Variants in DPYD observed in about 807,000 individuals in gnomAD.
DPYD encodes the protein dihydropyrimidine dehydrogenase [NADP(+)].
DPYD carries 109 observed loss-of-function variants against 116.2 expected under a neutral mutation model. That is an observed-to-expected ratio of 0.94 (90% confidence interval 0.80 to 1.10). The LOEUF is 1.10. DPYD is among the 50% of genes least tolerant of loss of function. The probability of loss-of-function intolerance (pLI) is 0.00; values close to 1 mark genes in which losing one functional copy is unlikely to be tolerated. For missense variants in DPYD, 1,302 were observed against 1,254.5 expected (o/e 1.04, Z -0.57); for synonymous variants, 440 against 432.0 (o/e 1.02, Z -0.23).
chr1:97,427,756 T>C (rs914535857), intron 14 of DPYD, among the ~76,000 whole-genome samples: 2 of 151,358 alleles, frequency 1.3e-5, no homozygotes, highest in Non-Finnish European at 2.9e-5. Context: ...TTTCCAGAAA[T>C]AGATATTAAT....
chr1:97,207,333 T>C (rs1659707927), intron 19 of DPYD, among the ~76,000 whole-genome samples: 1 of 152,176 alleles, frequency 6.6e-6, no homozygotes, highest in Admixed American at 6.6e-5. Context: ...TACATTAATA[T>C]CTTTGCATTA....
chr1:97,195,778 T>C (rs1288726318), intron 19 of DPYD, among the ~76,000 whole-genome samples: 2 of 146,756 alleles, frequency 1.4e-5, no homozygotes, highest in African/African-American at 5.0e-5. Flanking sequence ...ATGCTAGCAC[T>C]TAAAAGGAAG....
At chr1:97,228,823 T>C (rs1187770662) in intron 19 of DPYD, among the ~76,000 whole-genome samples, 2 of 152,060 alleles carry the variant, frequency 1.3e-5, no homozygotes, top group African/African-American at 4.8e-5. Flanking sequence ...GAAAGGATGA[T>C]ATGAGAGAAA....
chr1:97,632,072 C>A (rs1312245634), intron 8 of DPYD, among the ~76,000 whole-genome samples: 1 of 152,018 alleles, frequency 6.6e-6, no homozygotes, highest in African/African-American at 2.4e-5. Flanking sequence ...ATAACAGGGA[C>A]TGAAATGAAA....
At chr1:97,386,692 GA>G (rs1380549413) in intron 14 of DPYD, among the ~76,000 whole-genome samples, 5 of 152,078 alleles carry the variant, frequency 3.3e-5, no homozygotes, top group African/African-American at 1.2e-4. Flanking sequence ...TTAAAAATGT[GA>G]AATGGTCTAA....
intron 5 of DPYD, among the ~76,000 whole-genome samples, chr1:97,708,079 AC>A (rs1335626441): frequency 6.6e-6 from 1 of 151,728 alleles, no homozygotes; most frequent in Non-Finnish European, 1.5e-5. Context: ...ATTCAAGCAA[AC>A]CTCCCTCAGC....
chr1:97,579,664 A>C (rs745589094), intron 10 of DPYD, among the ~76,000 whole-genome samples: 7 of 152,214 alleles, frequency 4.6e-5, no homozygotes, highest in Non-Finnish European at 1.0e-4. Context: ...AGTAACTCTG[A>C]ATCTGGATAT....
intron 14 of DPYD, among the ~76,000 whole-genome samples, chr1:97,416,461 G>A: frequency 6.6e-6 from 1 of 152,280 alleles, no homozygotes; most frequent in Non-Finnish European, 1.5e-5. Flanking sequence ...GATATCAAAT[G>A]TTTGGACTTC....
intron 16 of DPYD, among the ~76,000 whole-genome samples, chr1:97,361,004 A>G (rs2101419585): frequency 6.6e-6 from 1 of 152,290 alleles, no homozygotes. Flanking sequence ...AAAAAAATCA[A>G]TGAATCCAGG....
chr1:97,296,472 T>G (rs925905164), intron 18 of DPYD, among the ~76,000 whole-genome samples: 2 of 152,160 alleles, frequency 1.3e-5, no homozygotes, highest in Non-Finnish European at 2.9e-5. Flanking sequence ...AAGAATAATA[T>G]GTCTCGATAG....
chr1:97,560,392 ACACT>A (rs758712472), intron 11 of DPYD, among the ~76,000 whole-genome samples: 1 of 152,146 alleles, frequency 6.6e-6, no homozygotes, highest in Non-Finnish European at 1.5e-5. Context: ...TAAAAAGGTG[ACACT>A]TGCAGTTAAA....
chr1:97,301,164 C>G, intron 18 of DPYD, among the ~76,000 whole-genome samples: 1 of 152,000 alleles, frequency 6.6e-6, no homozygotes, highest in Non-Finnish European at 1.5e-5. Context: ...TTACTGGATT[C>G]TGTAATAACC....
rs931527310 is a variant in DPYD, at chr1:97,847,492, C to T, written c.151-19296G>A. Among the ~76,000 whole-genome samples the T allele has an allele frequency of 4.1e-4, 62 of 152,068 alleles. 2 individuals are homozygous for T. The highest frequency in any genetic ancestry group is 5.9e-5 in the Non-Finnish European group (4 of 67,980). Reference sequence around the variant, plus strand: ...AACACATTTCAAACACAGGCATATTCTAACAAAATAACAGAAGGTATTGTC... The same window carrying T: ...AACACATTTCAAACACAGGCATATTTTAACAAAATAACAGAAGGTATTGTC... On this transcript the variant is annotated intron_variant, in intron 2 of 22. Coordinates refer to ENST00000370192, the MANE Select transcript of DPYD (RefSeq NM_000110.4).
At chr1:97,104,729 C>T (rs913746496) in intron 20 of DPYD, among the ~76,000 whole-genome samples, 13 of 151,988 alleles carry the variant, frequency 8.6e-5, no homozygotes, top group Admixed American at 1.3e-4. Flanking sequence ...GAAAAGGCAC[C>T]GGGGAGCCAA....
chr1:97,237,241 CAAAAAAAAAAA>C (rs58926889), intron 18 of DPYD, among the ~76,000 whole-genome samples: 9 of 57,700 alleles, frequency 1.6e-4, no homozygotes, highest in African/African-American at 3.4e-4. Context: ...GATTCTGTCT[CAAAAAAAAAAA>C]AAAAAAAAAA....
At chr1:97,909,313 C>T (rs552341006) in intron 1 of DPYD, among the ~76,000 whole-genome samples, 3 of 152,116 alleles carry the variant, frequency 2.0e-5, no homozygotes, top group Middle Eastern at 3.4e-3. Context: ...AATCCTATTC[C>T]CTCTCACCAA....
intron 15 of DPYD, among the ~76,000 whole-genome samples, chr1:97,374,636 G>A (rs1008495545): frequency 4.1e-4 from 60 of 146,522 alleles, no homozygotes; most frequent in Middle Eastern, 3.6e-3. Context: ...GGAGAATGGC[G>A]TGAACCCAGG....
chr1:97,720,674 G>A, intron 5 of DPYD: 1 of 1,356,526 alleles, frequency 7.4e-7, no homozygotes, highest in Non-Finnish European at 9.5e-7. Flanking sequence ...TTGTGTTTAT[G>A]CTGACAAAAC....
In DPYD at chr1:97,274,152, C is replaced by A. The variant is rs1182363228; in HGVS notation, c.2299+31107G>T. Among the ~76,000 whole-genome samples, 4 of 152,082 alleles carry A rather than the reference C, an allele frequency of 2.6e-5. No homozygotes were observed. The East Asian group carries it at 7.7e-4, about 29-fold the overall frequency. ...AAATAAATATGAATTTGGATATATA[C>A]ATCTAAATTCAAGGAACCTAGAACA... On this transcript the variant is annotated intron_variant, in intron 18 of 22. Transcript: ENST00000370192.
Sources: gnomAD v4.1 joint callset for allele counts (sites outside exome capture counted in the v4.1 genomes callset) on GRCh38, gnomAD v4.1.1 for gene constraint, MANE v1.5 for transcripts, NCBI Gene and HGNC (gene_info 2026-07-23, HGNC 2026-07-21) for gene names.